Variants in LDAF1 observed in about 807,000 individuals in gnomAD.
The protein encoded by LDAF1 is PROMETHIN.
A neutral mutation model predicts 13.5 loss-of-function variants in LDAF1; 7 were observed. The observed-to-expected ratio is 0.52, with a 90% CI of 0.29 to 0.97. LDAF1 has a LOEUF of 0.97. Among genes scored for constraint, LDAF1 ranks in the 50% least tolerant of loss-of-function variants. LDAF1 has a pLI of 0.07. For missense variants in LDAF1, 148 were observed against 193.2 expected (o/e 0.77, Z 1.39); for synonymous variants, 69 against 77.1 (o/e 0.89, Z 0.55).
intron 1 of LDAF1, among the ~76,000 whole-genome samples, chr16:21,160,301 T>C (rs1390748231): frequency 6.6e-6 from 1 of 152,072 alleles, no homozygotes; most frequent in African/African-American, 2.4e-5. Flanking sequence ...GGTTAAAAAA[T>C]ATATCTAATT....
Position 21,179,285 on chromosome 16 carries a change from TCCTAA to T in LDAF1, c.405-186_405-182del. ...AATGGAAAAGGGGCCGTAACCCTAC[TCCTAA>T]CCTGGTCATTTTAACCTCCTGTGCC... On this transcript the variant is annotated intron_variant, in intron 4 of 4. Coordinates refer to ENST00000233047, the MANE Select transcript of LDAF1 (RefSeq NM_001301771.2). 3 of 897,534 alleles carry T rather than the reference TCCTAA, an allele frequency of 3.3e-6. No individual in the cohort carries two copies. In the South Asian group the frequency reaches 1.5e-4, roughly 46 times the overall value. The allele number at this position is 897,534 out of a possible 1,614,324, so 55.6% of individuals were successfully genotyped here.
intron 1 of LDAF1, chr16:21,159,483 T>C (rs766913823): frequency 7.5e-6 from 12 of 1,590,044 alleles, no homozygotes; most frequent in Non-Finnish European, 1.0e-5. Flanking sequence ...GCTTGAACTT[T>C]CGAGGTAGCC....
intron 2 of LDAF1, among the ~76,000 whole-genome samples, chr16:21,167,402 T>A (rs1031646712): frequency 6.6e-6 from 1 of 152,224 alleles, no homozygotes; most frequent in African/African-American, 2.4e-5. Context: ...GGATCTAGAA[T>A]ACCAGTACTG....
chr16:21,161,155 C>G lies in LDAF1; in HGVS notation c.-28C>G. The G allele has an allele frequency of 1.2e-6, 2 of 1,613,352 alleles. No homozygotes were observed. The highest frequency in any genetic ancestry group is 2.2e-5 in the South Asian group (2 of 90,950). ...AGAATTTACTGGTAGGATAATTCATCCCTAAAGAGATTGAAGTGAGCTTCA... is the reference window on the plus strand; with the variant it reads ...AGAATTTACTGGTAGGATAATTCATGCCTAAAGAGATTGAAGTGAGCTTCA... On this transcript the variant is annotated 5_prime_UTR_variant, in exon 2 of 5. The change creates a new upstream start codon in the 5' untranslated region. Transcript: ENST00000233047.
intron 3 of LDAF1, among the ~76,000 whole-genome samples, chr16:21,171,286 A>G (rs1009596210): frequency 3.0e-4 from 46 of 152,282 alleles, no homozygotes; most frequent in African/African-American, 1.1e-3. Context: ...AAATCAGATC[A>G]CACACCCCAG....
intron 2 of LDAF1, chr16:21,166,765 T>G: frequency 7.7e-7 from 1 of 1,291,444 alleles, no homozygotes; most frequent in Non-Finnish European, 1.1e-6. Flanking sequence ...AGTCAGGACC[T>G]GAGACAGCGC....
At chr16:21,160,260 A>AT (rs35455785) in intron 1 of LDAF1, among the ~76,000 whole-genome samples, 27,663 of 150,640 alleles carry the variant, frequency 0.18, 2,635 homozygotes, top group South Asian at 0.26. Flanking sequence ...AATAAGAATG[A>AT]TTTTTTTTTT....
chr16:21,176,524 TC>T (rs2093139904), intron 4 of LDAF1, among the ~76,000 whole-genome samples: 1 of 152,120 alleles, frequency 6.6e-6, no homozygotes, highest in Non-Finnish European at 1.5e-5. Context: ...GTGCCTGTAG[TC>T]CCAGCTACTC....
At chr16:21,175,492 T>C (rs2093130825) in intron 4 of LDAF1, among the ~76,000 whole-genome samples, 2 of 152,212 alleles carry the variant, frequency 1.3e-5, no homozygotes, top group South Asian at 4.1e-4. Context: ...ATATAGTCTC[T>C]ACTGGAATTT....
At chr16:21,174,970 T>G (rs1163670732) in intron 4 of LDAF1, among the ~76,000 whole-genome samples, 2 of 152,182 alleles carry the variant, frequency 1.3e-5, no homozygotes, top group Admixed American at 6.5e-5. Flanking sequence ...GTTCCTACAA[T>G]ATGGCTCTTC....
At chr16:21,163,273 C>A (rs546595406) in intron 2 of LDAF1, among the ~76,000 whole-genome samples, 1 of 152,158 alleles carries the variant, frequency 6.6e-6, no homozygotes. Flanking sequence ...TCGGTGTCAC[C>A]TTGCTTGACC....
chr16:21,162,328 A>T (rs574069390), intron 2 of LDAF1, among the ~76,000 whole-genome samples: 5 of 152,248 alleles, frequency 3.3e-5, no homozygotes, highest in African/African-American at 1.2e-4. Context: ...TTACACTTCT[A>T]GCACATTTCA....
chr16:21,159,473 GCTTGAA>G, intron 1 of LDAF1: 1 of 1,600,956 alleles, frequency 6.2e-7, no homozygotes, highest in Non-Finnish European at 8.5e-7. Flanking sequence ...CCTCCTCCCA[GCTTGAA>G]CTTTCGAGGT....
intron 1 of LDAF1, 176 bp from the exon 2 acceptor site, chr16:21,160,909 T>G (rs2092966519): frequency 3.1e-6 from 2 of 650,910 alleles, no homozygotes; most frequent in Non-Finnish European, 4.4e-6. Flanking sequence ...ATTATTTCCA[T>G]CATGTTCCTG....
In LDAF1 at chr16:21,167,696, G is replaced by GGTTTTTTTTTTTTTT. The variant is rs1555584379; in HGVS notation, c.97-2741_97-2740insGTTTTTTTTTTTTTT. ...ATTCTGAGTCCAAGACCTTAGGTTTGTTTTTTTTTTTTTGAAAAGGAGACT... is the reference window on the plus strand; with the variant it reads ...ATTCTGAGTCCAAGACCTTAGGTTTGGTTTTTTTTTTTTTTTTTTTTTTTTTTTGAAAAGGAGACT... On this transcript the variant is annotated intron_variant, in intron 2 of 4. Coordinates refer to ENST00000233047, the MANE Select transcript of LDAF1 (RefSeq NM_001301771.2). Among the ~76,000 whole-genome samples, 27 of 89,092 alleles carry GGTTTTTTTTTTTTTT rather than the reference G, an allele frequency of 3.0e-4. 1 individual carries two copies. Among genetic ancestry groups the GGTTTTTTTTTTTTTT allele is most frequent in the African/African-American group, 9.3e-4 (21 of 22,584 alleles). 58.4% of individuals were successfully genotyped at this position (89,092 alleles called of 152,430 possible).
At chr16:21,166,992 G>A (rs1329824845) in intron 2 of LDAF1, 2 of 1,347,320 alleles carry the variant, frequency 1.5e-6, no homozygotes, top group Non-Finnish European at 2.0e-6. Flanking sequence ...TGGTGGGGTA[G>A]CAGGAGGCAG....
chr16:21,163,041 G>A (rs74507963), intron 2 of LDAF1, among the ~76,000 whole-genome samples: 3,212 of 152,144 alleles, frequency 0.021, 64 homozygotes, highest in South Asian at 0.032. Flanking sequence ...TTGAACTCAG[G>A]GCCAACAACA....
At chr16:21,159,522 G>A (rs2092942008) in intron 1 of LDAF1, 1 of 1,307,964 alleles carries the variant, frequency 7.6e-7, no homozygotes, top group South Asian at 1.2e-5. Flanking sequence ...GGGGGTGGGA[G>A]GGCCAGGAGA....
intron 2 of LDAF1, among the ~76,000 whole-genome samples, chr16:21,165,243 T>C (rs1597536535): frequency 6.6e-6 from 1 of 152,262 alleles, no homozygotes; most frequent in Non-Finnish European, 1.5e-5. Flanking sequence ...GGCAGATCAC[T>C]TGAGGTCAGG....
Sources: gnomAD v4.1 joint callset for allele counts (sites outside exome capture counted in the v4.1 genomes callset) on GRCh38, gnomAD v4.1.1 for gene constraint, MANE v1.5 for transcripts, NCBI Gene and HGNC (gene_info 2026-07-23, HGNC 2026-07-21) for gene names.